The following NALCN variants were observed in gnomAD, a reference collection of about 807,000 sequenced individuals.
NALCN encodes the protein sodium leak channel, non-selective.
A neutral mutation model predicts 225.3 loss-of-function variants in NALCN; 111 were observed. The observed-to-expected ratio is 0.49, with a 90% CI of 0.42 to 0.58. The LOEUF (loss-of-function observed/expected upper bound fraction) is 0.58, where lower values mean the gene tolerates loss of function less well. NALCN is among the 20% of genes least tolerant of loss of function. The probability of loss-of-function intolerance (pLI) is 0.00; values close to 1 mark genes in which losing one functional copy is unlikely to be tolerated. For missense variants in NALCN, 1,378 were observed against 2,202.4 expected (o/e 0.63, Z 7.49); for synonymous variants, 764 against 769.0 (o/e 0.99, Z 0.11).
intron 18 of NALCN, among the ~76,000 whole-genome samples, chr13:101,123,213 T>C (rs1395469622): frequency 6.6e-6 from 1 of 152,230 alleles, no homozygotes; most frequent in Admixed American, 6.5e-5. Context: ...CCATTCACAC[T>C]GCAAGGCAGT....
chr13:101,076,111 G>T (rs2033237575), intron 34 of NALCN, among the ~76,000 whole-genome samples, 170 bp from the exon 35 acceptor site: 1 of 152,222 alleles, frequency 6.6e-6, no homozygotes, highest in Admixed American at 6.5e-5. Context: ...AAAAACTCAT[G>T]AATAAATATT....
chr13:101,228,240 A>G (rs2041220463), intron 13 of NALCN, among the ~76,000 whole-genome samples: 1 of 152,238 alleles, frequency 6.6e-6, no homozygotes, highest in East Asian at 1.9e-4. Flanking sequence ...AATTTAGCAT[A>G]GGATTTTTAA....
rs1253151307 is a variant in NALCN at position 101,082,856 on chromosome 13, G to A, written c.3718C>T (p.Pro1240Ser). 6.2e-7 allele frequency: 1 copy of A among 1,614,160 alleles called. No individual in the cohort carries two copies. Among genetic ancestry groups the A allele is most frequent in the Non-Finnish European group, 8.5e-7 (1 of 1,180,006 alleles). Reference protein sequence around the residue: ...KWDVEDPVTVPLATMSVVFTF... With the variant: ...KWDVEDPVTVSLATMSVVFTF... ...AAAACAACTGACATTGTTGCCAAAG[G>A]TACGGTCACCGGGTCCTCGACGTCC... The change falls in exon 33 of 44, where the codon CCT becomes TCT. Residue 1240 changes from proline (P) to serine (S), a missense_variant. Transcript: ENST00000251127.
rs558163681 is a variant in NALCN, at chr13:101,290,632, T to C, written c.1047+1358A>G. 3.3e-4 allele frequency among the ~76,000 whole-genome samples: 51 copies of C among 152,344 alleles called. 1 individual carries two copies. The highest frequency in any genetic ancestry group is 1.1e-3 in the African/African-American group (46 of 41,574). On this transcript the variant is annotated intron_variant, in intron 9 of 43. Coordinates refer to ENST00000251127, the MANE Select transcript of NALCN (RefSeq NM_052867.4). Reference sequence around the variant, plus strand: ...ACTATTTCATCTATAATGAATTGACTGGACAATTCAGACTTTTACAGCATC... The same window carrying C: ...ACTATTTCATCTATAATGAATTGACCGGACAATTCAGACTTTTACAGCATC...
chr13:101,179,339 G>A (rs1390795161), intron 14 of NALCN, among the ~76,000 whole-genome samples: 5 of 152,026 alleles, frequency 3.3e-5, no homozygotes, highest in Admixed American at 3.3e-4. Flanking sequence ...TTCTCCCCGA[G>A]CAACCCTGAC....
intron 30 of NALCN, among the ~76,000 whole-genome samples, chr13:101,087,267 A>G (rs1367693250): frequency 6.6e-6 from 1 of 152,126 alleles, no homozygotes; most frequent in Non-Finnish European, 1.5e-5. Context: ...TTGTCTCTAC[A>G]TTTGGAAATT....
intron 30 of NALCN, among the ~76,000 whole-genome samples, chr13:101,086,984 T>C (rs1012731090): frequency 6.6e-6 from 1 of 152,070 alleles, no homozygotes; most frequent in Non-Finnish European, 1.5e-5. Context: ...ATAAAAAAAA[T>C]TTTGGAAAGT....
chr13:101,135,759 CTG>C (rs2036754716), intron 17 of NALCN, among the ~76,000 whole-genome samples: 1 of 152,170 alleles, frequency 6.6e-6, no homozygotes, highest in Non-Finnish European at 1.5e-5. Flanking sequence ...ATACAACACA[CTG>C]AGACTAGCAT....
chr13:101,270,516 C>T (rs2042742230), intron 10 of NALCN, among the ~76,000 whole-genome samples: 2 of 152,180 alleles, frequency 1.3e-5, no homozygotes. Context: ...TAATGCAATG[C>T]AGGACCTCAC....
chr13:101,142,924 A>G, intron 17 of NALCN, 156 bp downstream of exon 17: 1 of 1,099,898 alleles, frequency 9.1e-7, no homozygotes, highest in South Asian at 1.4e-5. Context: ...TAGAGTAAAA[A>G]ATGTTAGGTT....
intron 6 of NALCN, among the ~76,000 whole-genome samples, chr13:101,362,208 G>A (rs4772371): frequency 0.2 from 30,768 of 151,762 alleles, 4,056 homozygotes; most frequent in East Asian, 0.35. Flanking sequence ...CAGACTTAAT[G>A]AAAACTTTAA....
intron 10 of NALCN, 97 bp downstream of exon 10, chr13:101,283,836 G>A: frequency 9.7e-7 from 1 of 1,032,898 alleles, no homozygotes; most frequent in Non-Finnish European, 1.4e-6. Context: ...TTTAAATTTG[G>A]ACAAATCTAG....
At chr13:101,295,315 T>A (rs2043704050) in intron 7 of NALCN, among the ~76,000 whole-genome samples, 1 of 152,192 alleles carries the variant, frequency 6.6e-6, no homozygotes, top group South Asian at 2.1e-4. Context: ...ATCCCTTATT[T>A]TCCTCTAGGT....
chr13:101,095,446 G>C, intron 28 of NALCN, 128 bp downstream of exon 28: 1 of 708,632 alleles, frequency 1.4e-6, no homozygotes, highest in East Asian at 2.8e-5. Context: ...GCTTCGCCCT[G>C]TATGACTTAA....
chr13:101,297,903 G>T (rs2043814981), intron 7 of NALCN, among the ~76,000 whole-genome samples: 1 of 152,166 alleles, frequency 6.6e-6, no homozygotes, highest in Non-Finnish European at 1.5e-5. Context: ...TGATCCTCCA[G>T]CTGACTCTGA....
intron 14 of NALCN, among the ~76,000 whole-genome samples, chr13:101,179,249 A>T (rs949362473): frequency 6.6e-6 from 1 of 152,216 alleles, no homozygotes; most frequent in Non-Finnish European, 1.5e-5. Flanking sequence ...GCCAGCCCAC[A>T]GTGAGTTTCG....
chr13:101,170,417 C>T (rs2139910243), intron 15 of NALCN, among the ~76,000 whole-genome samples: 1 of 152,306 alleles, frequency 6.6e-6, no homozygotes, highest in African/African-American at 2.4e-5. Flanking sequence ...GTCTGCTTTA[C>T]TCAGGCTACC....
chr13:101,304,998 G>T (rs538491297), intron 7 of NALCN, among the ~76,000 whole-genome samples: 5 of 151,378 alleles, frequency 3.3e-5, no homozygotes, highest in Non-Finnish European at 7.4e-5. Context: ...CTCGTGATCC[G>T]CCCGCCTCAG....
chr13:101,054,810 A>C lies in NALCN; in HGVS notation c.*485T>G, dbSNP rs2031008519. ...GTAAAACTACTATCATTTTAGCATA[A>C]GTTCAGTGCTGACCTTTTCAGATCA... On this transcript the variant is annotated 3_prime_UTR_variant, in exon 44 of 44. Coordinates refer to ENST00000251127, the MANE Select transcript of NALCN (RefSeq NM_052867.4). 1 of 152,660 alleles carries C rather than the reference A, an allele frequency of 6.6e-6. No homozygotes were observed. The highest frequency in any genetic ancestry group is 2.4e-5 in the African/African-American group (1 of 41,486). 9.5% of individuals were successfully genotyped at this position (152,660 alleles called of 1,614,324 possible).
Sources: allele counts gnomAD v4.1 joint callset (sites outside exome capture counted in the v4.1 genomes callset), GRCh38; gene constraint gnomAD v4.1.1; transcripts MANE v1.5; gene names NCBI Gene and HGNC (gene_info 2026-07-23, HGNC 2026-07-21).